FAM199X: variants seen among roughly 807,000 people sequenced by gnomAD.
The protein encoded by FAM199X is protein FAM199X.
A neutral mutation model predicts 22.9 loss-of-function variants in FAM199X; 4 were observed. That is an observed-to-expected ratio of 0.17 (90% CI 0.09 to 0.40). FAM199X has a LOEUF of 0.40. Ranked by LOEUF, FAM199X falls within the 10% of genes least tolerant of loss-of-function variation. The pLI, the probability that FAM199X is intolerant of heterozygous loss-of-function variation, is 1.00. For missense variants in FAM199X, 183 were observed against 306.8 expected, an observed-to-expected ratio of 0.60 and a Z score of 3.01; for synonymous variants, 101 against 112.3, an observed-to-expected ratio of 0.90 and a Z score of 0.64.
upstream of FAM199X, among the ~76,000 whole-genome samples, chrX:104,163,096 ACACACACAC>A (rs1556372967): frequency 1.2e-4 from 1 of 8,453 alleles, no homozygotes; most frequent in African/African-American, 6.6e-4. Flanking sequence ...TCAGCTAAAT[ACACACACAC>A]ACACACACAC....
At position 104,190,135 on chromosome X, in the gene FAM199X, G is replaced by T; in HGVS notation, c.*357G>T. 1 of 157,285 alleles carries T rather than the reference G, an allele frequency of 6.4e-6. No individual in the cohort carries two copies. The highest frequency in any genetic ancestry group is 1.2e-5 in the Non-Finnish European group (1 of 81,613). 13.0% of individuals were successfully genotyped at this position (157,285 alleles called of 1,213,427 possible). ...TAAAGTTTATGGCGGTGAAGTGGGC[G>T]TCTTCAAAGACTAGTACTTACACAG... On this transcript the variant is annotated 3_prime_UTR_variant, in exon 6 of 6. Transcript: ENST00000493442.
At chrX:104,176,264 A>T (rs970454368) in intron 2 of FAM199X, among the ~76,000 whole-genome samples, 12 of 111,811 alleles carry the variant, frequency 1.1e-4, no homozygotes, top group Non-Finnish European at 2.1e-4. Flanking sequence ...CATCAGAAAT[A>T]TATAATTTCT....
chrX:104,170,084 T>C (rs1556375066), intron 1 of FAM199X, among the ~76,000 whole-genome samples: 2 of 112,485 alleles, frequency 1.8e-5, no homozygotes, highest in African/African-American at 6.5e-5. Context: ...GTGGAACATA[T>C]GTAGTGTTTA....
At chrX:104,167,079 C>T in intron 1 of FAM199X, 97 bp downstream of exon 1, 1 of 776,621 alleles carries the variant, frequency 1.3e-6, no homozygotes, top group East Asian at 4.1e-5. Context: ...GTCGCCCCCT[C>T]CCCCACCTGC....
At chrX:104,187,240 C>T (rs1814207137) in intron 4 of FAM199X, among the ~76,000 whole-genome samples, 1 of 110,281 alleles carries the variant, frequency 9.1e-6, no homozygotes, top group Non-Finnish European at 1.9e-5. Flanking sequence ...CCTGCCAACG[C>T]ACCCGGCTAA....
At chrX:104,184,973 G>A (rs1187720542) in intron 2 of FAM199X, among the ~76,000 whole-genome samples, 1 of 103,438 alleles carries the variant, frequency 9.7e-6, no homozygotes, top group Non-Finnish European at 2.0e-5. Flanking sequence ...ATGAGGTCTC[G>A]CTATGTTGGA....
intron 5 of FAM199X, among the ~76,000 whole-genome samples, chrX:104,189,195 T>C (rs1432955096): frequency 9.0e-6 from 1 of 111,715 alleles, no homozygotes; most frequent in Non-Finnish European, 1.9e-5. Context: ...CTAGTGTTTT[T>C]GGATGAAAGG....
intron 2 of FAM199X, among the ~76,000 whole-genome samples, chrX:104,179,959 T>C (rs1450814136): frequency 2.8e-5 from 3 of 108,154 alleles, no homozygotes; most frequent in African/African-American, 1.0e-4. Flanking sequence ...TTTCATGATA[T>C]TGATAATGAA....
upstream of FAM199X, among the ~76,000 whole-genome samples, chrX:104,164,111 T>G (rs2147886326): frequency 8.8e-6 from 1 of 113,056 alleles, no homozygotes; most frequent in African/African-American, 3.2e-5. Context: ...AAAGCAAATT[T>G]ACAAATTGTG....
chrX:104,158,464 A>C, the FAM199X span, among the ~76,000 whole-genome samples: 4 of 111,919 alleles, frequency 3.6e-5, no homozygotes, highest in Non-Finnish European at 7.5e-5. Flanking sequence ...GGATATTAGC[A>C]AAGATCTTGC....
chrX:104,183,062 C>T (rs782331056), intron 2 of FAM199X, among the ~76,000 whole-genome samples: 16 of 110,958 alleles, frequency 1.4e-4, no homozygotes, highest in Non-Finnish European at 1.5e-4. Flanking sequence ...TTACACCCCT[C>T]CCTCCCCAAC....
At chrX:104,178,817 TGTTA>T (rs1556377111) in intron 2 of FAM199X, among the ~76,000 whole-genome samples, 1 of 111,854 alleles carries the variant, frequency 8.9e-6, no homozygotes, top group Non-Finnish European at 1.9e-5. Context: ...AATTGAGATG[TGTTA>T]GTTCTCCCAC....
At chrX:104,168,490 TTA>T (rs1297289704) in intron 1 of FAM199X, among the ~76,000 whole-genome samples, 1 of 112,391 alleles carries the variant, frequency 8.9e-6, no homozygotes, top group Non-Finnish European at 1.9e-5. Context: ...TTAGGGTTAT[TTA>T]TGTTGAAAAA....
chrX:104,161,182 A>G, the FAM199X span, among the ~76,000 whole-genome samples: 4 of 112,083 alleles, frequency 3.6e-5, no homozygotes, highest in Non-Finnish European at 5.6e-5. Flanking sequence ...ACTAAAACAA[A>G]CATTTTCTTA....
chrX:104,169,105 A>G (rs1921289123), intron 1 of FAM199X, among the ~76,000 whole-genome samples: 1 of 111,714 alleles, frequency 9.0e-6, no homozygotes, highest in Admixed American at 9.5e-5. Flanking sequence ...ATGGTGCTTG[A>G]GAGGACCATA....
rs916949376 is a variant in FAM199X at position 104,190,877 on chromosome X, T to C, written c.*1099T>C. The C allele has an allele frequency of 8.9e-6, 1 of 112,205 alleles. No homozygotes were observed. The highest frequency in any genetic ancestry group is 9.5e-5 in the Admixed American group (1 of 10,557). 9.2% of individuals were successfully genotyped at this position (112,205 alleles called of 1,213,427 possible). On this transcript the variant is annotated 3_prime_UTR_variant, in exon 6 of 6. Coordinates refer to ENST00000493442, the MANE Select transcript of FAM199X (RefSeq NM_207318.4). ...AACACCTTAGCTTGTTGGTTATTAA[T>C]AGAGCTCTAATTTTAACTGTGAAAT...
At chrX:104,165,783 T>A (rs1437385365), upstream of FAM199X, among the ~76,000 whole-genome samples, 1 of 111,490 alleles carries the variant, frequency 9.0e-6, no homozygotes, top group Non-Finnish European at 1.9e-5. Context: ...ATATATTTTC[T>A]ACGGGAGGGA....
At chrX:104,172,593 T>G (rs1482134933) in intron 1 of FAM199X, among the ~76,000 whole-genome samples, 1 of 110,778 alleles carries the variant, frequency 9.0e-6, no homozygotes, top group Non-Finnish European at 1.9e-5. Flanking sequence ...TGATTACAAA[T>G]CTGAGAAACA....
chrX:104,178,113 A>G (rs1043417959), intron 2 of FAM199X, among the ~76,000 whole-genome samples: 1 of 111,269 alleles, frequency 9.0e-6, no homozygotes, highest in Admixed American at 9.5e-5. Flanking sequence ...TTTGTATATG[A>G]TATGTAAGAT....
Sources: allele counts gnomAD v4.1 joint callset (sites outside exome capture counted in the v4.1 genomes callset), GRCh38; gene constraint gnomAD v4.1.1; transcripts MANE v1.5; gene names NCBI Gene and HGNC (gene_info 2026-07-23, HGNC 2026-07-21).